The following TMCO5A variants were observed in gnomAD, a reference collection of about 807,000 sequenced individuals.
TMCO5A encodes the protein transmembrane and coiled-coil domains 5A.
TMCO5A carries 34 observed loss-of-function variants against 42.3 expected under a neutral mutation model. The ratio of observed to expected loss-of-function variants is 0.80; its 90% CI spans 0.61 to 1.07. TMCO5A has a LOEUF of 1.07. TMCO5A is among the 50% of genes least tolerant of loss of function. The pLI, the probability that TMCO5A is intolerant of heterozygous loss-of-function variation, is 0.00. For missense variants in TMCO5A, 357 were observed against 327.9 expected (o/e 1.09, Z -0.69); for synonymous variants, 131 against 115.6 (o/e 1.13, Z -0.86).
chr15:38,003,443 T>C, the TMCO5A span, among the ~76,000 whole-genome samples: 1 of 152,118 alleles, frequency 6.6e-6, no homozygotes, highest in Non-Finnish European at 1.5e-5. Flanking sequence ...CAGCAGGTGG[T>C]AAATCTAGCC....
chr15:38,020,767 A>G, the TMCO5A span, among the ~76,000 whole-genome samples: 2 of 152,168 alleles, frequency 1.3e-5, no homozygotes, highest in African/African-American at 4.8e-5. Flanking sequence ...GCTGGGGGAA[A>G]TTTTAAATAA....
rs140451580 is a variant in TMCO5A, at chr15:37,963,648, G to T, written c.669-2977G>T. On this transcript the variant is annotated intron_variant, in intron 11 of 11. Transcript: ENST00000559502. Reference sequence around the variant, plus strand: ...TGACCGATCTACTGCTGTCAGTGGAGTATTGAAGTCCCCCACTATTATCAT... The same window carrying T: ...TGACCGATCTACTGCTGTCAGTGGATTATTGAAGTCCCCCACTATTATCAT... Among the ~76,000 whole-genome samples the T allele has an allele frequency of 5.0e-3, 768 of 152,176 alleles. 12 individuals carry two copies. Among genetic ancestry groups the T allele is most frequent in the African/African-American group, 0.018 (740 of 41,534 alleles).
At chr15:38,025,330 C>T in the TMCO5A span, among the ~76,000 whole-genome samples, 2 of 151,992 alleles carry the variant, frequency 1.3e-5, no homozygotes, top group African/African-American at 2.4e-5. Context: ...GGGTCTTTTT[C>T]ATCAGTGCCC....
chr15:37,938,766 A>C (rs552340142), intron 6 of TMCO5A, among the ~76,000 whole-genome samples: 1 of 152,182 alleles, frequency 6.6e-6, no homozygotes, highest in African/African-American at 2.4e-5. Context: ...CAATCTAGAA[A>C]AGGGTTCAAT....
chr15:38,017,056 A>C, the TMCO5A span, among the ~76,000 whole-genome samples: 1 of 152,244 alleles, frequency 6.6e-6, no homozygotes, highest in African/African-American at 2.4e-5. Flanking sequence ...TCTTCCACTG[A>C]AGATAGTGGA....
chr15:37,992,431 A>G, the TMCO5A span, among the ~76,000 whole-genome samples: 1 of 152,198 alleles, frequency 6.6e-6, no homozygotes, highest in Non-Finnish European at 1.5e-5. Flanking sequence ...TGTGGAAAGC[A>G]GAGTGGTGAT....
the TMCO5A span, among the ~76,000 whole-genome samples, chr15:37,973,812 G>A: frequency 3.3e-5 from 5 of 152,286 alleles, 1 homozygote; most frequent in Middle Eastern, 3.4e-3. Context: ...TGTTGAATAT[G>A]AGTGGTGAAA....
At chr15:37,981,494 A>G in the TMCO5A span, among the ~76,000 whole-genome samples, 1 of 152,264 alleles carries the variant, frequency 6.6e-6, no homozygotes, top group East Asian at 1.9e-4. Flanking sequence ...CTTAAAGGCA[A>G]CACCCAATGG....
the TMCO5A span, chr15:38,039,964 C>G: frequency 1.3e-5 from 2 of 152,204 alleles, no homozygotes; most frequent in African/African-American, 4.8e-5. Context: ...CCAAGTTCAT[C>G]CCAGTTGTTG....
the TMCO5A span, among the ~76,000 whole-genome samples, chr15:38,021,940 G>A: frequency 4.0e-5 from 6 of 151,630 alleles, no homozygotes; most frequent in African/African-American, 1.5e-4. Flanking sequence ...CTCCTGAGTA[G>A]CTGGGACTAC....
intron 11 of TMCO5A, 113 bp downstream of exon 11, chr15:37,947,809 TACAC>T: frequency 4.9e-6 from 3 of 618,528 alleles, no homozygotes; most frequent in East Asian, 2.9e-5. Flanking sequence ...TGTGCACACA[TACAC>T]ACACACACAC....
chr15:37,968,075 T>C (rs1890598339), downstream of TMCO5A, among the ~76,000 whole-genome samples: 1 of 152,236 alleles, frequency 6.6e-6, no homozygotes, highest in Non-Finnish European at 1.5e-5. Flanking sequence ...CCTATGTGGT[T>C]TGCTGAGGCA....
the TMCO5A span, among the ~76,000 whole-genome samples, chr15:37,995,669 C>T: frequency 6.6e-6 from 1 of 152,244 alleles, no homozygotes; most frequent in African/African-American, 2.4e-5. Flanking sequence ...TTCAGTCAGT[C>T]ATTTTGTAGA....
the TMCO5A span, among the ~76,000 whole-genome samples, chr15:38,012,492 G>C: frequency 6.6e-6 from 1 of 152,082 alleles, no homozygotes; most frequent in Non-Finnish European, 1.5e-5. Context: ...TGATGTTGAA[G>C]CCTGTTGTCT....
chr15:37,955,448 C>A (rs1256339756), downstream of TMCO5A, among the ~76,000 whole-genome samples: 1 of 151,948 alleles, frequency 6.6e-6, no homozygotes, highest in Non-Finnish European at 1.5e-5. Flanking sequence ...CAATCCTAGT[C>A]TCTGATAAAA....
At chr15:37,978,657 A>G in the TMCO5A span, among the ~76,000 whole-genome samples, 1 of 152,194 alleles carries the variant, frequency 6.6e-6, no homozygotes, top group Admixed American at 6.5e-5. Flanking sequence ...CTTTCCAGGG[A>G]AATGCAGAGC....
chr15:37,974,051 G>C, the TMCO5A span, among the ~76,000 whole-genome samples: 5 of 152,266 alleles, frequency 3.3e-5, no homozygotes, highest in African/African-American at 1.2e-4. Context: ...CTGTTTATGT[G>C]ATGAATCACA....
At chr15:37,997,870 T>C in the TMCO5A span, among the ~76,000 whole-genome samples, 47 of 152,294 alleles carry the variant, frequency 3.1e-4, no homozygotes, top group African/African-American at 1.1e-3. Context: ...ATCGCCAGCA[T>C]TTGTTATTGT....
At chr15:38,005,339 G>A in the TMCO5A span, among the ~76,000 whole-genome samples, 105 of 142,550 alleles carry the variant, frequency 7.4e-4, no homozygotes, top group African/African-American at 2.7e-3. Context: ...TCTTTGGGAA[G>A]CTGAGCGCAG....
Sources: allele counts gnomAD v4.1 joint callset (sites outside exome capture counted in the v4.1 genomes callset), GRCh38; gene constraint gnomAD v4.1.1; transcripts MANE v1.5; gene names NCBI Gene and HGNC (gene_info 2026-07-23, HGNC 2026-07-21).